ATP8A1: variants seen among roughly 807,000 people sequenced by gnomAD.
ATP8A1 encodes phospholipid-transporting ATPase IA.
A neutral mutation model predicts 177.7 loss-of-function variants in ATP8A1; 90 were observed. The ratio of observed to expected loss-of-function variants is 0.51; its 90% confidence interval spans 0.43 to 0.60. The LOEUF (loss-of-function observed/expected upper bound fraction) is 0.60, where lower values mean the gene tolerates loss of function less well. ATP8A1 is among the 20% of genes least tolerant of loss of function. ATP8A1 has a pLI of 0.00. For synonymous variants in ATP8A1, 493 were observed against 485.9 expected (o/e 1.01, Z -0.19); for missense variants, 1,072 against 1,392.8 (o/e 0.77, Z 3.67).
intron 24 of ATP8A1, among the ~76,000 whole-genome samples, chr4:42,502,512 G>T (rs1024278333): frequency 6.6e-6 from 1 of 152,166 alleles, no homozygotes; most frequent in Non-Finnish European, 1.5e-5. Flanking sequence ...GCTACGGAAG[G>T]TAAATGCCCA....
chr4:42,492,287 C>A (rs1331123540), intron 24 of ATP8A1, among the ~76,000 whole-genome samples: 1 of 151,956 alleles, frequency 6.6e-6, no homozygotes, highest in African/African-American at 2.4e-5. Flanking sequence ...GGATTCTATT[C>A]CCAGAAAGGA....
chr4:42,614,575 T>C (rs926337291), intron 5 of ATP8A1, among the ~76,000 whole-genome samples: 6 of 152,178 alleles, frequency 3.9e-5, no homozygotes, highest in Non-Finnish European at 5.9e-5. Context: ...CTGCCTTCCA[T>C]CTTTAACCCA....
intron 25 of ATP8A1, among the ~76,000 whole-genome samples, chr4:42,474,292 A>C (rs866714272): frequency 2.6e-5 from 4 of 152,252 alleles, no homozygotes; most frequent in Middle Eastern, 3.4e-3. Flanking sequence ...GAACACACAG[A>C]TGGGCAAGGT....
intron 22 of ATP8A1, among the ~76,000 whole-genome samples, chr4:42,518,323 A>G (rs1191460571): frequency 1.3e-5 from 2 of 152,242 alleles, no homozygotes; most frequent in East Asian, 3.8e-4. Context: ...ATCAATTCAA[A>G]TATGTTCAGA....
At chr4:42,435,295 G>A (rs946232409) in intron 33 of ATP8A1, among the ~76,000 whole-genome samples, 10 of 151,724 alleles carry the variant, frequency 6.6e-5, no homozygotes, top group Non-Finnish European at 1.0e-4. Context: ...GCGTGGTGGC[G>A]GGCACCTGTA....
chr4:42,610,046 C>T (rs1736214149), intron 5 of ATP8A1, among the ~76,000 whole-genome samples: 4 of 152,094 alleles, frequency 2.6e-5, no homozygotes, highest in Non-Finnish European at 1.5e-5. Context: ...AGTCCTTTCA[C>T]CCTGCATCAC....
intron 27 of ATP8A1, among the ~76,000 whole-genome samples, chr4:42,461,824 C>G (rs1359105812): frequency 3.3e-5 from 5 of 152,168 alleles, no homozygotes; most frequent in Non-Finnish European, 7.3e-5. Context: ...TGTTGAATGG[C>G]TTTGACCAAA....
At chr4:42,486,338 A>C (rs1272471565) in intron 24 of ATP8A1, among the ~76,000 whole-genome samples, 1 of 152,216 alleles carries the variant, frequency 6.6e-6, no homozygotes, top group African/African-American at 2.4e-5. Context: ...GCTATGACCT[A>C]ATCTTGCTTG....
At chr4:42,424,527 A>G (rs992321072) in intron 33 of ATP8A1, among the ~76,000 whole-genome samples, 3 of 152,196 alleles carry the variant, frequency 2.0e-5, no homozygotes, top group South Asian at 2.1e-4. Context: ...ACGCATGCAC[A>G]TTTAGATTCT....
intron 4 of ATP8A1, among the ~76,000 whole-genome samples, chr4:42,621,231 C>T (rs1051015337): frequency 1.3e-5 from 2 of 152,224 alleles, no homozygotes; most frequent in Non-Finnish European, 1.5e-5. Context: ...TATACACATG[C>T]ACAACATCTG....
chr4:42,625,847 A>C (rs945689065), intron 2 of ATP8A1, 134 bp from the exon 3 acceptor site: 4 of 498,188 alleles, frequency 8.0e-6, no homozygotes, highest in Non-Finnish European at 1.4e-5. Flanking sequence ...AGAATATTGC[A>C]AAGGGTCATT....
chr4:42,510,919 T>C (rs1389771354), intron 22 of ATP8A1, among the ~76,000 whole-genome samples: 1 of 152,216 alleles, frequency 6.6e-6, no homozygotes. Context: ...CAGCAAGGTA[T>C]GCTGAGAAAA....
At chr4:42,590,964 A>G in intron 6 of ATP8A1, 80 bp from the exon 7 acceptor site, 1 of 1,257,334 alleles carries the variant, frequency 8.0e-7, no homozygotes, top group African/African-American at 1.5e-5. Context: ...AATGGACAAA[A>G]GAGACAGAAA....
chr4:42,416,952 G>A (rs1161039683), intron 35 of ATP8A1, among the ~76,000 whole-genome samples: 1 of 152,178 alleles, frequency 6.6e-6, no homozygotes. Flanking sequence ...AAGGTGAGAT[G>A]TGTGTTGCTG....
At chr4:42,611,835 T>C (rs1735390050) in intron 5 of ATP8A1, among the ~76,000 whole-genome samples, 1 of 152,262 alleles carries the variant, frequency 6.6e-6, no homozygotes, top group Admixed American at 6.5e-5. Flanking sequence ...TCTGCAAAGA[T>C]ATATTTGGCA....
chr4:42,633,748 G>A (rs1200731207), intron 1 of ATP8A1, among the ~76,000 whole-genome samples: 1 of 152,152 alleles, frequency 6.6e-6, no homozygotes, highest in East Asian at 1.9e-4. Flanking sequence ...GTTTAGTAAT[G>A]AATGTGAGCT....
At chr4:42,497,148 C>G (rs907278837) in intron 24 of ATP8A1, among the ~76,000 whole-genome samples, 2 of 152,146 alleles carry the variant, frequency 1.3e-5, no homozygotes, top group African/African-American at 4.8e-5. Flanking sequence ...AAACCAAAAT[C>G]AAACAAAAAC....
chr4:42,515,409 T>C (rs1399677260), intron 22 of ATP8A1, among the ~76,000 whole-genome samples: 1 of 152,234 alleles, frequency 6.6e-6, no homozygotes, highest in Non-Finnish European at 1.5e-5. Flanking sequence ...AGAAAAGTCC[T>C]GTTTTCCATT....
intron 1 of ATP8A1, among the ~76,000 whole-genome samples, chr4:42,654,551 C>T (rs1275211901): frequency 1.3e-5 from 2 of 152,188 alleles, no homozygotes; most frequent in Admixed American, 6.5e-5. Flanking sequence ...TATCTCTCTA[C>T]TCACTCATAG....
Sources: allele counts gnomAD v4.1 joint callset (sites outside exome capture counted in the v4.1 genomes callset), GRCh38; gene constraint gnomAD v4.1.1; transcripts MANE v1.5; gene names NCBI Gene and HGNC (gene_info 2026-07-23, HGNC 2026-07-21).